Variants in DOCK10 observed in about 807,000 individuals in gnomAD.
The protein encoded by DOCK10 is dedicator of cytokinesis 10.
A neutral mutation model predicts 280.1 loss-of-function variants in DOCK10; 145 were observed. The observed-to-expected ratio is 0.52, with a 90% CI of 0.45 to 0.59. The LOEUF (loss-of-function observed/expected upper bound fraction) is 0.59. Among genes scored for constraint, DOCK10 ranks in the 20% least tolerant of loss-of-function variants. The pLI is 0.00. For missense variants in DOCK10, 2,368 were observed against 2,651.7 expected (o/e 0.89, Z 2.35); for synonymous variants, 915 against 942.2 (o/e 0.97, Z 0.53).
chr2:224,993,391 G>T (rs760370341), intron 1 of DOCK10, among the ~76,000 whole-genome samples: 9 of 152,262 alleles, frequency 5.9e-5, no homozygotes, highest in Non-Finnish European at 8.8e-5. Flanking sequence ...ACTTGACACA[G>T]CACCTGATAT....
At chr2:225,000,219 CACACAG>C (rs1344720434) in intron 1 of DOCK10, among the ~76,000 whole-genome samples, 1 of 102,146 alleles carries the variant, frequency 9.8e-6, no homozygotes, top group African/African-American at 2.6e-5. Flanking sequence ...CACACACACA[CACACAG>C]ACACACACAC....
chr2:224,884,782 A>T (rs1699179755), intron 7 of DOCK10, among the ~76,000 whole-genome samples: 1 of 152,208 alleles, frequency 6.6e-6, no homozygotes, highest in African/African-American at 2.4e-5. Context: ...TACACTGTCA[A>T]CTTACTCTAT....
In DOCK10 at chr2:224,805,190, A is replaced by G. The variant is rs1480304835; in HGVS notation, c.4051+16T>C. 2 of 1,601,828 alleles carry G rather than the reference A, an allele frequency of 1.2e-6. No individual in the cohort carries two copies. On this transcript the variant is annotated intron_variant, in intron 36 of 55. Transcript: ENST00000258390. This position sits in a 1 kb window ranked among gnomAD's most constrained non-coding sequence, Gnocchi z 4.3. ...TCTTTTTCCTTTTTTCAAAAAAATT[A>G]AAGAATTCTCTTTACCGTACGAAAT...
At chr2:224,885,000 GT>G (rs1699194787) in intron 7 of DOCK10, among the ~76,000 whole-genome samples, 1 of 151,854 alleles carries the variant, frequency 6.6e-6, no homozygotes, top group Non-Finnish European at 1.5e-5. Flanking sequence ...TTCTTTTTTT[GT>G]TGTTTGTTTG....
chr2:224,823,998 G>A (rs1011591107), intron 27 of DOCK10, among the ~76,000 whole-genome samples: 1 of 138,804 alleles, frequency 7.2e-6, no homozygotes, highest in Non-Finnish European at 1.5e-5. Context: ...CCCTCTCAGG[G>A]AATAGCTACT....
At chr2:225,022,142 C>T (rs1184465812) in intron 1 of DOCK10, among the ~76,000 whole-genome samples, 2 of 152,332 alleles carry the variant, frequency 1.3e-5, no homozygotes, top group African/African-American at 4.8e-5. Context: ...CATACACACA[C>T]AAACACACAG....
At chr2:224,880,543 A>G (rs959146342) in intron 7 of DOCK10, among the ~76,000 whole-genome samples, 2 of 152,136 alleles carry the variant, frequency 1.3e-5, no homozygotes, top group African/African-American at 4.8e-5. Context: ...ATTTTCCTCT[A>G]TTTCTCATAT....
chr2:224,785,160 G>A (rs559899675), intron 50 of DOCK10, among the ~76,000 whole-genome samples: 8 of 152,048 alleles, frequency 5.3e-5, no homozygotes, highest in African/African-American at 1.9e-4. Flanking sequence ...TTCCAAAATG[G>A]CTCCAAAATG....
chr2:224,794,660 G>GC (rs1463650812), intron 45 of DOCK10, among the ~76,000 whole-genome samples: 1 of 152,156 alleles, frequency 6.6e-6, no homozygotes, highest in Non-Finnish European at 1.5e-5. Flanking sequence ...ACCTGCAGTT[G>GC]CCCCCACTGA....
intron 1 of DOCK10, among the ~76,000 whole-genome samples, chr2:224,978,374 A>G (rs1187770684): frequency 6.6e-6 from 1 of 152,192 alleles, no homozygotes; most frequent in East Asian, 1.9e-4. Flanking sequence ...CGGAGGTTGC[A>G]GTGAGCTGAG....
At chr2:224,832,082 G>A (rs1157962516) in intron 26 of DOCK10, among the ~76,000 whole-genome samples, 1 of 152,166 alleles carries the variant, frequency 6.6e-6, no homozygotes, top group African/African-American at 2.4e-5. Flanking sequence ...TATTGTATAT[G>A]TATAGTTTCA....
chr2:224,921,112 A>AAAAAAAAAATATAT, intron 2 of DOCK10, among the ~76,000 whole-genome samples: 15 of 54,392 alleles, frequency 2.8e-4, no homozygotes, highest in African/African-American at 1.9e-3. Context: ...AAAAAAAAAA[A>AAAAAAAAAATATAT]ATATATATAT....
chr2:224,832,968 C>A (rs760268508), intron 26 of DOCK10, among the ~76,000 whole-genome samples: 1 of 152,176 alleles, frequency 6.6e-6, no homozygotes, highest in Non-Finnish European at 1.5e-5. Flanking sequence ...CCACCCACCC[C>A]ACCTTCCAGA....
intron 7 of DOCK10, among the ~76,000 whole-genome samples, chr2:224,879,713 G>A (rs1437336760): frequency 6.6e-6 from 1 of 151,838 alleles, no homozygotes; most frequent in African/African-American, 2.4e-5. Flanking sequence ...AGCCGAAATT[G>A]CACCACTGCA....
chr2:224,911,064 G>T (rs1700984275), intron 3 of DOCK10, among the ~76,000 whole-genome samples: 1 of 151,664 alleles, frequency 6.6e-6, no homozygotes, highest in African/African-American at 2.4e-5. Context: ...TGAATGTTCT[G>T]TCCTGAGCTT....
At chr2:224,780,203 C>T (rs571272900) in intron 50 of DOCK10, among the ~76,000 whole-genome samples, 1 of 152,302 alleles carries the variant, frequency 6.6e-6, no homozygotes, top group South Asian at 2.1e-4. Flanking sequence ...ATGTTGAAAG[C>T]ATGTAAAGCA....
chr2:224,934,732 G>C (rs1358223527), intron 1 of DOCK10, among the ~76,000 whole-genome samples: 1 of 152,198 alleles, frequency 6.6e-6, no homozygotes, highest in Non-Finnish European at 1.5e-5. Flanking sequence ...TTTAACAAGG[G>C]TTGGGTTGTC....
intron 1 of DOCK10, among the ~76,000 whole-genome samples, chr2:225,000,152 G>A (rs1347695225): frequency 6.6e-6 from 1 of 151,986 alleles, no homozygotes; most frequent in Admixed American, 6.6e-5. Context: ...CAAAGGCTAT[G>A]TTCTATCATT....
chr2:225,011,348 A>C (rs1251624893), intron 1 of DOCK10, among the ~76,000 whole-genome samples: 1 of 152,218 alleles, frequency 6.6e-6, no homozygotes, highest in African/African-American at 2.4e-5. Context: ...TCATGCTGGA[A>C]GTTTCAGCTT....
Sources: gnomAD v4.1 joint callset for allele counts (sites outside exome capture counted in the v4.1 genomes callset) on GRCh38, gnomAD v4.1.1 for gene constraint, Gnocchi (gnomAD v3.1) non-coding constraint, MANE v1.5 for transcripts, NCBI Gene and HGNC (gene_info 2026-07-23, HGNC 2026-07-21) for gene names.